HTR4: variants seen among roughly 807,000 people sequenced by gnomAD.
HTR4 encodes 5-hydroxytryptamine (serotonin) receptor 4, G protein-coupled.
A neutral mutation model predicts 36.8 loss-of-function variants in HTR4; 16 were observed. The ratio of observed to expected loss-of-function variants is 0.43; its 90% CI spans 0.29 to 0.66. HTR4 has a LOEUF of 0.66. Among genes scored for constraint, HTR4 ranks in the 30% least tolerant of loss-of-function variants. The pLI, the probability that HTR4 is intolerant of heterozygous loss-of-function variation, is 0.13. For missense variants in HTR4, 438 were observed against 490.9 expected (o/e 0.89, Z 1.02); for synonymous variants, 189 against 185.1 (o/e 1.02, Z -0.17).
intron 2 of HTR4, among the ~76,000 whole-genome samples, chr5:148,563,051 G>A (rs530054597): frequency 2.0e-5 from 3 of 152,236 alleles, no homozygotes; most frequent in African/African-American, 7.2e-5. Context: ...CATACTCACT[G>A]CCCTTAAGAT....
chr5:148,489,667 C>A (rs536811229), intron 6 of HTR4, among the ~76,000 whole-genome samples: 1 of 152,096 alleles, frequency 6.6e-6, no homozygotes, highest in Non-Finnish European at 1.5e-5. Context: ...CAATATAATT[C>A]GCTATTTGTT....
intron 5 of HTR4, among the ~76,000 whole-genome samples, chr5:148,514,461 G>A (rs775091193): frequency 3.3e-5 from 5 of 152,062 alleles, no homozygotes; most frequent in African/African-American, 9.7e-5. Context: ...TGACACACTA[G>A]TATTTTTCTT....
intron 6 of HTR4, among the ~76,000 whole-genome samples, chr5:148,500,862 ATAT>A (rs1756906645): frequency 6.6e-6 from 1 of 152,244 alleles, no homozygotes; most frequent in African/African-American, 2.4e-5. Flanking sequence ...AAGATTGATA[ATAT>A]TCAATGTTGG....
At chr5:148,543,877 A>T (rs1759240074) in intron 4 of HTR4, among the ~76,000 whole-genome samples, 1 of 152,156 alleles carries the variant, frequency 6.6e-6, no homozygotes, top group South Asian at 2.1e-4. Flanking sequence ...AGGGTGTTTG[A>T]TGAGAAAGCA....
intron 1 of HTR4, among the ~76,000 whole-genome samples, chr5:148,653,429 G>A (rs1180898832): frequency 6.6e-6 from 1 of 152,174 alleles, no homozygotes; most frequent in Non-Finnish European, 1.5e-5. Context: ...AGCAAGCTGT[G>A]AGGAAATGCA....
At chr5:148,621,294 G>T (rs1239474712) in intron 2 of HTR4, among the ~76,000 whole-genome samples, 1 of 152,198 alleles carries the variant, frequency 6.6e-6, no homozygotes, top group African/African-American at 2.4e-5. Context: ...AGAGTCAAAA[G>T]TAAGCTTTGG....
chr5:148,555,229 C>T (rs1759892034), intron 2 of HTR4, among the ~76,000 whole-genome samples: 2 of 152,178 alleles, frequency 1.3e-5, no homozygotes, highest in South Asian at 4.1e-4. Context: ...ATCAACACCA[C>T]CACCACCATA....
intron 6 of HTR4, among the ~76,000 whole-genome samples, chr5:148,507,309 G>A (rs1197978465): frequency 6.9e-6 from 1 of 145,354 alleles, no homozygotes; most frequent in Non-Finnish European, 1.5e-5. Context: ...TCTCTCATAG[G>A]TGGGAATTGA....
chr5:148,538,734 G>C (rs909793970), intron 4 of HTR4, among the ~76,000 whole-genome samples: 4 of 152,016 alleles, frequency 2.6e-5, no homozygotes, highest in African/African-American at 9.7e-5. Context: ...ATGACACAAA[G>C]AAATGGAAAA....
chr5:148,609,071 G>T (rs1241959882), intron 2 of HTR4, among the ~76,000 whole-genome samples: 1 of 152,156 alleles, frequency 6.6e-6, no homozygotes, highest in Non-Finnish European at 1.5e-5. Context: ...TAGGGAATAA[G>T]AATGAATAAT....
chr5:148,489,343 A>G (rs1756305257), intron 6 of HTR4, among the ~76,000 whole-genome samples: 1 of 152,166 alleles, frequency 6.6e-6, no homozygotes, highest in South Asian at 2.1e-4. Flanking sequence ...CTGAACTCAG[A>G]GCCTGATTGA....
At chr5:148,601,968 A>T (rs1246232654) in intron 2 of HTR4, among the ~76,000 whole-genome samples, 1 of 152,092 alleles carries the variant, frequency 6.6e-6, no homozygotes, top group Non-Finnish European at 1.5e-5. Flanking sequence ...AATTTTTCAG[A>T]AGCTGGGGGT....
intron 4 of HTR4, among the ~76,000 whole-genome samples, chr5:148,541,841 TCA>T (rs1759131384): frequency 6.6e-6 from 1 of 152,122 alleles, no homozygotes; most frequent in Non-Finnish European, 1.5e-5. Context: ...TCCCCAGGCC[TCA>T]CCAACTTCCC....
intron 4 of HTR4, among the ~76,000 whole-genome samples, chr5:148,525,939 C>T (rs1758247767): frequency 6.6e-6 from 1 of 152,098 alleles, no homozygotes; most frequent in South Asian, 2.1e-4. Flanking sequence ...GACACAGAAA[C>T]TGATATGCAC....
intron 2 of HTR4, among the ~76,000 whole-genome samples, chr5:148,593,521 T>C (rs1440781448): frequency 6.6e-6 from 1 of 152,212 alleles, no homozygotes; most frequent in Non-Finnish European, 1.5e-5. Context: ...TTCTATCTCA[T>C]TACTTTTTCT....
intron 2 of HTR4, among the ~76,000 whole-genome samples, chr5:148,630,765 AG>A (rs1410911991): frequency 2.0e-5 from 3 of 152,164 alleles, no homozygotes; most frequent in African/African-American, 7.2e-5. Flanking sequence ...TACTATGTTA[AG>A]AATTTTACCT....
chr5:148,545,497 AG>A (rs1759342908), intron 4 of HTR4, among the ~76,000 whole-genome samples: 1 of 152,274 alleles, frequency 6.6e-6, no homozygotes, highest in South Asian at 2.1e-4. Context: ...TTAAGAAGAA[AG>A]TATAGACTTG....
intron 5 of HTR4, among the ~76,000 whole-genome samples, chr5:148,517,671 A>C (rs1757821742): frequency 6.6e-6 from 1 of 152,108 alleles, no homozygotes; most frequent in South Asian, 2.1e-4. Context: ...TAAATCCTCA[A>C]AATAGATCCA....
At chr5:148,575,544 T>A (rs1259968338) in intron 2 of HTR4, among the ~76,000 whole-genome samples, 2 of 151,980 alleles carry the variant, frequency 1.3e-5, no homozygotes, top group Non-Finnish European at 2.9e-5. Context: ...AAAGTAGAGA[T>A]GTATACACCT....
Sources: allele counts gnomAD v4.1 joint callset (sites outside exome capture counted in the v4.1 genomes callset), GRCh38; gene constraint gnomAD v4.1.1; transcripts MANE v1.5; gene names NCBI Gene and HGNC (gene_info 2026-07-23, HGNC 2026-07-21).